SERGEF: variants seen among roughly 807,000 people sequenced by gnomAD.
The protein encoded by SERGEF is secretion regulating guanine nucleotide exchange factor.
In SERGEF, 51 loss-of-function variants were observed where a neutral mutation model predicts 50.0. That is an observed-to-expected ratio of 1.02 (90% CI 0.81 to 1.29). The LOEUF (loss-of-function observed/expected upper bound fraction) is 1.29. Among genes scored for constraint, SERGEF ranks in the 50% most tolerant of loss-of-function variants. The pLI is 0.00. For synonymous variants in SERGEF, 205 were observed against 212.4 expected (o/e 0.97, Z 0.30); for missense variants, 521 against 557.0 (o/e 0.94, Z 0.65).
At chr11:17,881,269 G>A (rs1851327703) in intron 9 of SERGEF, among the ~76,000 whole-genome samples, 1 of 152,240 alleles carries the variant, frequency 6.6e-6, no homozygotes, top group African/African-American at 2.4e-5. Context: ...GGCTGTGACT[G>A]TAGAGCTGAC....
chr11:17,805,240 G>A (rs889381777), intron 10 of SERGEF, among the ~76,000 whole-genome samples: 11 of 152,214 alleles, frequency 7.2e-5, no homozygotes, highest in African/African-American at 2.7e-4. Flanking sequence ...GTGGTCTTGG[G>A]TGAGTCACTA....
chr11:17,847,318 T>TGTAC (rs1224523669), intron 10 of SERGEF, among the ~76,000 whole-genome samples: 2 of 152,126 alleles, frequency 1.3e-5, no homozygotes, highest in Non-Finnish European at 1.5e-5. Context: ...TCAGCAGGGC[T>TGTAC]GTACGTGACC....
rs370216311 is a variant in SERGEF at position 17,911,689 on chromosome 11, T to C, written c.1012-33445A>G. 7.2e-5 allele frequency among the ~76,000 whole-genome samples: 11 copies of C among 152,076 alleles called. No individual in the cohort carries two copies. The East Asian group carries it at 1.9e-3, about 27-fold the overall frequency. ...TTTTTGTAGAGATGGGATTTCATCA[T>C]GTTGCCCAGGCTGTTCTCAAACTTC... On this transcript the variant is annotated intron_variant, in intron 9 of 10. Coordinates refer to ENST00000265965, the MANE Select transcript of SERGEF (RefSeq NM_012139.4).
intron 1 of SERGEF, chr11:18,012,724 C>T (rs1854223013): frequency 4.5e-6 from 6 of 1,329,020 alleles, no homozygotes; most frequent in East Asian, 3.0e-5. Flanking sequence ...CCCTCCGGCC[C>T]TGACCCCGCC....
chr11:17,854,143 C>T (rs1850770607), intron 10 of SERGEF: 1 of 152,004 alleles, frequency 6.6e-6, no homozygotes. Context: ...TATCACAACA[C>T]CATACCCTAT....
chr11:17,992,926 C>G lies in SERGEF; in HGVS notation c.685+5G>C, dbSNP rs1853749596. ...ATGTTAAACCGTGAAAGAGCTGGTA[C>G]CTACCTGTTAATGAAGCTGAGTGGT... is the stretch of plus-strand genomic sequence containing the variant. On this transcript the variant is annotated splice_donor_5th_base_variant and intron_variant, in intron 7 of 10. Coordinates refer to ENST00000265965, the MANE Select transcript of SERGEF (RefSeq NM_012139.4). 2 of 1,613,026 alleles carry G rather than the reference C, an allele frequency of 1.2e-6. No individual in the cohort carries two copies. Among genetic ancestry groups the G allele is most frequent in the Admixed American group, 1.7e-5 (1 of 60,000 alleles).
chr11:17,921,541 C>G (rs1852155495), intron 9 of SERGEF, among the ~76,000 whole-genome samples: 1 of 152,228 alleles, frequency 6.6e-6, no homozygotes, highest in Non-Finnish European at 1.5e-5. Flanking sequence ...TTCCATGATT[C>G]CCTCATTCCC....
intron 9 of SERGEF, among the ~76,000 whole-genome samples, chr11:17,925,220 AAGT>A: frequency 6.8e-6 from 1 of 146,306 alleles, no homozygotes; most frequent in Non-Finnish European, 1.5e-5. Context: ...GTAACCCACC[AAGT>A]CTCTAAGGTC....
intron 9 of SERGEF, among the ~76,000 whole-genome samples, chr11:17,924,994 A>G (rs1398249130): frequency 6.6e-6 from 1 of 152,098 alleles, no homozygotes; most frequent in Non-Finnish European, 1.5e-5. Context: ...CCGGCCAGCA[A>G]TTTTTTATTC....
In SERGEF at chr11:17,966,703, C is replaced by T. The variant is rs73428330; in HGVS notation, c.845-7067G>A. ...GTAAAATGTCACAAGTTTCCAAAGTCGTATCATAAACAATATCACATAATA... is the reference window on the plus strand; with the variant it reads ...GTAAAATGTCACAAGTTTCCAAAGTTGTATCATAAACAATATCACATAATA... On this transcript the variant is annotated intron_variant, in intron 8 of 10. Coordinates refer to ENST00000265965, the MANE Select transcript of SERGEF (RefSeq NM_012139.4). Among the ~76,000 whole-genome samples the T allele has an allele frequency of 2.9e-3, 447 of 152,076 alleles. 2 individuals carry two copies. The highest frequency in any genetic ancestry group is 0.01 in the African/African-American group (416 of 41,470).
chr11:17,965,949 A>G (rs1272778020), intron 8 of SERGEF, among the ~76,000 whole-genome samples: 1 of 152,238 alleles, frequency 6.6e-6, no homozygotes, highest in Non-Finnish European at 1.5e-5. Flanking sequence ...CCTATGGCAC[A>G]TACTAACTAG....
At chr11:17,838,525 C>T (rs2133860373) in intron 10 of SERGEF, among the ~76,000 whole-genome samples, 1 of 152,288 alleles carries the variant, frequency 6.6e-6, no homozygotes, top group East Asian at 1.9e-4. Flanking sequence ...ATTCCAGGCT[C>T]TGTGCTGGGC....
chr11:17,954,558 T>C lies in SERGEF; in HGVS notation c.1011+4912A>G, dbSNP rs1182002808. Among the ~76,000 whole-genome samples the C allele has an allele frequency of 2.0e-5, 3 of 152,230 alleles. 1 individual carries two copies. In the East Asian group the frequency reaches 5.8e-4, roughly 29 times the overall value. ...TCCGACAGATTGCACTTAGACCCTG[T>C]GCACAGGTTGATCCTTTAGCAGTTT... On this transcript the variant is annotated intron_variant, in intron 9 of 10. Transcript: ENST00000265965.
intron 9 of SERGEF, among the ~76,000 whole-genome samples, chr11:17,908,123 C>A (rs1851885528): frequency 6.6e-6 from 1 of 152,208 alleles, no homozygotes; most frequent in Non-Finnish European, 1.5e-5. Flanking sequence ...CCTGCCATCA[C>A]AGTGATCTTT....
chr11:17,942,385 G>A lies in SERGEF; in HGVS notation c.1011+17085C>T, dbSNP rs150066438. 5.9e-5 allele frequency among the ~76,000 whole-genome samples: 9 copies of A among 151,734 alleles called. No individual in the cohort carries two copies. In the East Asian group the frequency reaches 9.7e-4, roughly 16 times the overall value. ...TTGATATAACTGTAAAATTATAATC[G>A]TAAAAAAACTGCTTTTTAAAAATTT... On this transcript the variant is annotated intron_variant, in intron 9 of 10. Coordinates refer to ENST00000265965, the MANE Select transcript of SERGEF (RefSeq NM_012139.4).
chr11:17,964,378 T>A (rs1270581782), intron 8 of SERGEF, among the ~76,000 whole-genome samples: 1 of 152,058 alleles, frequency 6.6e-6, no homozygotes, highest in Non-Finnish European at 1.5e-5. Flanking sequence ...CAGCCATAGC[T>A]ATAGGTACAA....
chr11:17,798,674 G>C (rs890658637), intron 10 of SERGEF, among the ~76,000 whole-genome samples: 2 of 152,230 alleles, frequency 1.3e-5, no homozygotes, highest in African/African-American at 4.8e-5. Context: ...CCTACAGACT[G>C]TCTTTCTGAA....
At chr11:17,821,109 T>C (rs1242073691) in intron 10 of SERGEF, among the ~76,000 whole-genome samples, 1 of 152,122 alleles carries the variant, frequency 6.6e-6, no homozygotes, top group East Asian at 1.9e-4. Context: ...AGCCAAGGAA[T>C]GCCTGGAAAC....
intron 9 of SERGEF, among the ~76,000 whole-genome samples, chr11:17,927,071 A>T (rs766448759): frequency 2.0e-5 from 3 of 152,280 alleles, no homozygotes; most frequent in Middle Eastern, 3.4e-3. Context: ...TATTCCCGGT[A>T]TGCCCTCTTT....
Sources: gnomAD v4.1 joint callset for allele counts (sites outside exome capture counted in the v4.1 genomes callset) on GRCh38, gnomAD v4.1.1 for gene constraint, MANE v1.5 for transcripts, NCBI Gene and HGNC (gene_info 2026-07-23, HGNC 2026-07-21) for gene names.